Variants in SPATA20 observed in about 807,000 individuals in gnomAD.
SPATA20 encodes the protein spermatogenesis associated 20, also known as spermatogenesis-associated protein 20.
Under a neutral mutation model 98.9 loss-of-function variants are expected in SPATA20, and 74 were observed. That is an observed-to-expected ratio of 0.75 (90% CI 0.62 to 0.91). The LOEUF (loss-of-function observed/expected upper bound fraction) is 0.91. Among genes scored for constraint, SPATA20 ranks in the 40% least tolerant of loss-of-function variants. The pLI is 0.00. For missense variants in SPATA20, 1,016 were observed against 1,069.8 expected, an observed-to-expected ratio of 0.95 and a Z score of 0.70; for synonymous variants, 430 against 440.5, an observed-to-expected ratio of 0.98 and a Z score of 0.30.
chr17:50,552,020 C>T lies in SPATA20; in HGVS notation c.1797C>T (p.Gly599=). The change falls in exon 14 of 17, where the codon GGC becomes GGT. Residue 599 remains glycine (G), a synonymous_variant. Coordinates refer to ENST00000006658, the MANE Select transcript of SPATA20 (RefSeq NM_022827.4). ...FLEDYAFVVR[G]LLDLYEASQE... ...AGGACTACGCCTTCGTGGTGCGGGG[C>T]CTGCTGGACCTGTATGAGGCCTCAC... 6.2e-7 allele frequency: 1 copy of T among 1,613,258 alleles called. No homozygotes were observed. The highest frequency in any genetic ancestry group is 1.3e-5 in the African/African-American group (1 of 75,060).
In SPATA20 at chr17:50,548,819, C is replaced by G. The variant is rs776694868; in HGVS notation, c.371C>G (p.Ser124Cys). 7.4e-6 allele frequency: 12 copies of G among 1,612,944 alleles called. No homozygotes were observed. In the Admixed American group the frequency reaches 2.0e-4, roughly 27 times the overall value. The change falls in exon 5 of 17, where the codon TCC becomes TGC. Residue 124 changes from serine to cysteine, a missense_variant. Ser to Cys is a moderately radical substitution (Grantham distance 112, BLOSUM62 -1). Transcript: ENST00000006658. ...CCATGGCCCTGTTCAGTCGGGTACT[C>G]CACCTGCCACTGGTGCCACATGATG... is the stretch of plus-strand genomic sequence containing the variant. ...NKPIFLSVGY[S>C]TCHWCHMMEE...
At chr17:50,548,688 C>A (rs1014460983) in intron 4 of SPATA20, 70 bp downstream of exon 4, 2 of 1,588,892 alleles carry the variant, frequency 1.3e-6, no homozygotes, top group South Asian at 1.1e-5. Flanking sequence ...AGGGTCCTCT[C>A]GGCCTGGCGG....
chr17:50,550,454 T>C (rs1597870412), intron 9 of SPATA20, 82 bp from the exon 10 acceptor site: 1 of 1,455,800 alleles, frequency 6.9e-7, no homozygotes, highest in Non-Finnish European at 9.6e-7. Context: ...CTCCCCCGCC[T>C]GCCTCAGAGA....
In SPATA20 at chr17:50,550,775, G is replaced by T; in HGVS notation, c.1241G>T (p.Gly414Val). ...PPERGQRPKE[G>V]AYYVWTVKEV... The stretch of plus-strand genomic sequence containing the variant: ...GAGCGGGGCCAGCGGCCCAAAGAGG[G>T]CGCCTACTATGTGTGGACGGTCAAA... The change falls in exon 11 of 17, where the codon GGC (glycine) becomes GTC (valine). Residue 414 changes from glycine (G) to valine (V), a missense_variant. Transcript: ENST00000006658. The T allele has an allele frequency of 1.2e-6, 2 of 1,613,158 alleles. No homozygotes were observed. Among genetic ancestry groups the T allele is most frequent in the African/African-American group, 1.3e-5 (1 of 75,084 alleles).
intron 15 of SPATA20, among the ~76,000 whole-genome samples, chr17:50,554,758 G>A: frequency 6.6e-6 from 1 of 152,112 alleles, no homozygotes; most frequent in Non-Finnish European, 1.5e-5. Context: ...CTTTGAGGGG[G>A]ATGCTGGTGT....
Position 50,552,186 on chromosome 17 carries a change from TGGGGG to T in SPATA20, c.1957+7_1957+11del. On this transcript the variant is annotated splice_region_variant and intron_variant, in intron 14 of 16. Coordinates refer to ENST00000006658, the MANE Select transcript of SPATA20 (RefSeq NM_022827.4). Reference sequence around the variant, plus strand: ...GCCCCTGCGTCTGAAGGACGGTCAGTGGGGGTGCAGGGCTAGTCTGGGGTCCTGGG... The same window carrying T: ...GCCCCTGCGTCTGAAGGACGGTCAGTTGCAGGGCTAGTCTGGGGTCCTGGG... 6.2e-7 allele frequency: 1 copy of T among 1,612,852 alleles called. No individual in the cohort carries two copies. Among genetic ancestry groups the T allele is most frequent in the Non-Finnish European group, 8.5e-7 (1 of 1,179,644 alleles).
In SPATA20 at chr17:50,549,972, G is replaced by T. The variant is rs762027137; in HGVS notation, c.863-13G>T. 4 of 1,527,604 alleles carry T rather than the reference G, an allele frequency of 2.6e-6. No homozygotes were observed. Among genetic ancestry groups the T allele is most frequent in the Non-Finnish European group, 3.5e-6 (4 of 1,133,224 alleles). The allele number at this position is 1,527,604 out of a possible 1,614,324, so 94.6% of individuals were successfully genotyped here. Reference sequence around the variant, plus strand: ...CCCATTCTCTCACCTGCATGTTCTTGGTGCCCCCACAGTGATCCTGAGCTT... The same window carrying T: ...CCCATTCTCTCACCTGCATGTTCTTTGTGCCCCCACAGTGATCCTGAGCTT... On this transcript the variant is annotated splice_polypyrimidine_tract_variant and intron_variant, in intron 7 of 16. Transcript: ENST00000006658.
At position 50,549,286 on chromosome 17, in the gene SPATA20, T is replaced by C; in HGVS notation, c.661T>C (p.Trp221Arg). 1 of 1,608,792 alleles carries C rather than the reference T, an allele frequency of 6.2e-7. No homozygotes were observed. The highest frequency in any genetic ancestry group is 8.5e-7 in the Non-Finnish European group (1 of 1,176,758). ...CCAGGTGTGCCCCCACCTCCCGCAG[T>C]GGAAACAGAACAAGAACACCCTGCT... ...RTVLLRIREQWKQNKNTLLEN... is the reference protein window; with the variant it reads ...RTVLLRIREQRKQNKNTLLEN... The change falls in exon 7 of 17, where the codon TGG (tryptophan) becomes CGG (arginine). Residue 221 changes from tryptophan (W) to arginine (R), a missense_variant and splice_region_variant. Trp to Arg is a moderately radical substitution (Grantham distance 101). Coordinates refer to ENST00000006658, the MANE Select transcript of SPATA20 (RefSeq NM_022827.4).
Position 50,548,922 on chromosome 17 carries a change from G to A in SPATA20, c.474G>A (p.Glu158=). The change falls in exon 5 of 17, where the codon GAG becomes GAA. Residue 158 remains glutamate (E), a synonymous_variant. Transcript: ENST00000006658. The stretch of plus-strand genomic sequence containing the variant: ...TTGTGAGTGTGAAGGTAGACCGTGA[G>A]GAGCGGCCTGACGTGGACAAGGTGT... ...EDFVSVKVDR[E]ERPDVDKVYM... is the part of the protein sequence containing the mutation. 5 of 1,614,198 alleles carry A rather than the reference G, an allele frequency of 3.1e-6. No homozygotes were observed. Among genetic ancestry groups the A allele is most frequent in the South Asian group, 1.1e-5 (1 of 91,090 alleles).
At chr17:50,553,626 G>A (rs1207541785) in intron 14 of SPATA20, among the ~76,000 whole-genome samples, 1 of 147,912 alleles carries the variant, frequency 6.8e-6, no homozygotes, top group South Asian at 2.2e-4. Flanking sequence ...TGATCCTCCC[G>A]CCTCGGCTTC....
In SPATA20 at chr17:50,551,699, G is replaced by C. The variant is rs770439445; in HGVS notation, c.1745+20G>C. ...GCACAGGTTGGGGGCTGGGTAGACC[G>C]GGAGGGCCCGTCTCCCCAACGCGTC... On this transcript the variant is annotated intron_variant, in intron 13 of 16. Transcript: ENST00000006658. 5.7e-6 allele frequency: 9 copies of C among 1,578,722 alleles called. No homozygotes were observed. The highest frequency in any genetic ancestry group is 4.0e-5 in the African/African-American group (3 of 74,488).
Position 50,555,124 on chromosome 17 carries a change from T to C in SPATA20, c.2158-108T>C, listed in dbSNP as rs183151428. 2.1e-3 allele frequency: 1,798 copies of C among 844,592 alleles called. 6 individuals are homozygous for C. The highest frequency in any genetic ancestry group is 2.9e-3 in the Non-Finnish European group (1,491 of 513,178). The allele number at this position is 844,592 out of a possible 1,614,324, so 52.3% of individuals were successfully genotyped here. On this transcript the variant is annotated intron_variant, in intron 15 of 16. Coordinates refer to ENST00000006658, the MANE Select transcript of SPATA20 (RefSeq NM_022827.4). ...GGCAGCTGAGATGAGTCCCTGTTCC[T>C]TCTTAGAGATATACGGTGGGGCGGA...
In SPATA20 at chr17:50,551,640, G is replaced by C. The variant is rs144320831; in HGVS notation, c.1706G>C (p.Arg569Pro). ...MFDVASGRLM[R>P]TCYTGPGGTV... ...GATGTGGCCAGTGGCCGCCTGATGCGGACCTGCTACACCGGCCCTGGGGGG... is the reference window on the plus strand; with the variant it reads ...GATGTGGCCAGTGGCCGCCTGATGCCGACCTGCTACACCGGCCCTGGGGGG... Residue 569 changes from arginine (R) to proline (P), a missense_variant, in exon 13 of 17, where the codon CGG becomes CCG. By Grantham distance (103) the Arg-to-Pro change is moderately radical. Transcript: ENST00000006658. 1 of 1,599,508 alleles carries C rather than the reference G, an allele frequency of 6.3e-7. No individual in the cohort carries two copies. The highest frequency in any genetic ancestry group is 8.6e-7 in the Non-Finnish European group (1 of 1,168,412).
At chr17:50,548,690 G>T in intron 4 of SPATA20, 72 bp downstream of exon 4, 2 of 1,589,062 alleles carry the variant, frequency 1.3e-6, no homozygotes, top group Non-Finnish European at 1.7e-6. Context: ...GGTCCTCTCG[G>T]CCTGGCGGGT....
chr17:50,551,349 C>A, intron 12 of SPATA20, 159 bp downstream of exon 12: 1 of 1,154,728 alleles, frequency 8.7e-7, no homozygotes, highest in Non-Finnish European at 1.2e-6. Flanking sequence ...CGCCCAAGGT[C>A]ACGCGCAAGG....
intron 8 of SPATA20, 41 bp downstream of exon 8, chr17:50,550,156 C>T (rs1423054082): frequency 1.2e-6 from 2 of 1,612,170 alleles, no homozygotes; most frequent in Admixed American, 3.3e-5. Context: ...CAGCAGGGGG[C>T]TGTGGGGTGG....
rs1304251790 is a variant in SPATA20, at chr17:50,548,280, C to T, written c.126-3C>T. Reference sequence around the variant, plus strand: ...GCTTGCCTGATGCACCAGTCCTCGCCAGGGGTAGCTCCTCCCGGGACAAGG... The same window carrying T: ...GCTTGCCTGATGCACCAGTCCTCGCTAGGGGTAGCTCCTCCCGGGACAAGG... On this transcript the variant is annotated splice_polypyrimidine_tract_variant and splice_region_variant and intron_variant, in intron 2 of 16. Coordinates refer to ENST00000006658, the MANE Select transcript of SPATA20 (RefSeq NM_022827.4). 6.2e-7 allele frequency: 1 copy of T among 1,612,914 alleles called. No homozygotes were observed. The highest frequency in any genetic ancestry group is 8.5e-7 in the Non-Finnish European group (1 of 1,179,606).
In SPATA20 at chr17:50,555,235, G is replaced by A. The variant is rs1028500817; in HGVS notation, c.2161G>A (p.Val721Met). The change falls in exon 16 of 17, where the codon GTG becomes ATG. Residue 721 changes from valine (V) to methionine (M), a missense_variant. Physicochemically the swap from Val to Met is conservative, Grantham distance 21 (BLOSUM62 1). Coordinates refer to ENST00000006658, the MANE Select transcript of SPATA20 (RefSeq NM_022827.4). ...SAQQQTLKQI[V>M]ICGDRQAKDT... is the part of the protein sequence containing the mutation. ...GTGACCTTTCTATTCCGGTCAGATC[G>A]TGATCTGTGGAGACCGTCAGGCCAA... 5.6e-6 allele frequency: 9 copies of A among 1,613,656 alleles called. No individual in the cohort carries two copies. The highest frequency in any genetic ancestry group is 3.3e-5 in the South Asian group (3 of 91,080).
At position 50,548,386 on chromosome 17, in the gene SPATA20, G is replaced by A. The variant is rs2034950545; in HGVS notation, c.229G>A (p.Val77Ile). The A allele has an allele frequency of 6.2e-7, 1 of 1,613,860 alleles. No individual in the cohort carries two copies. The highest frequency in any genetic ancestry group is 1.1e-5 in the South Asian group (1 of 91,084). Residue 77 changes from valine (V) to isoleucine (I), a missense_variant, in exon 3 of 17, where the codon GTC becomes ATC. Physicochemically the swap from Val to Ile is conservative, Grantham distance 29. Coordinates refer to ENST00000006658, the MANE Select transcript of SPATA20 (RefSeq NM_022827.4). ...GSHPSSTPQR[V>I]PNRLIHEKSP... ...CCATCCTTCATCTACACCCCAGAGG[G>A]TCCCCAACCGCCTGATCCACGAGAA...
Sources: allele counts gnomAD v4.1 joint callset (sites outside exome capture counted in the v4.1 genomes callset), GRCh38; gene constraint gnomAD v4.1.1; transcripts MANE v1.5; gene names NCBI Gene and HGNC (gene_info 2026-07-23, HGNC 2026-07-21).